The following PTPRQ variants were observed in gnomAD, a reference collection of about 807,000 sequenced individuals.
PTPRQ encodes protein tyrosine phosphatase receptor type Q.
PTPRQ carries 199 observed loss-of-function variants against 246.0 expected under a neutral mutation model. That is an observed-to-expected ratio of 0.81 (90% CI 0.72 to 0.91). The LOEUF (loss-of-function observed/expected upper bound fraction) is 0.91. Ranked by LOEUF, PTPRQ falls within the 40% of genes least tolerant of loss-of-function variation. PTPRQ has a pLI of 0.00. For synonymous variants in PTPRQ, 869 were observed against 853.2 expected, an observed-to-expected ratio of 1.02 and a Z score of -0.32; for missense variants, 2,624 against 2,528.4, an observed-to-expected ratio of 1.04 and a Z score of -0.81.
chr12:80,605,507 A>G (rs1251655776), intron 27 of PTPRQ, among the ~76,000 whole-genome samples: 1 of 151,264 alleles, frequency 6.6e-6, no homozygotes, highest in Non-Finnish European at 1.5e-5. Context: ...ATACACACAT[A>G]CAAGTGGTTA....
chr12:80,670,470 A>G lies in PTPRQ; in HGVS notation c.6580A>G (p.Thr2194Ala). The G allele has an allele frequency of 6.4e-7, 1 of 1,550,704 alleles. No individual in the cohort carries two copies. Among genetic ancestry groups the G allele is most frequent in the Non-Finnish European group, 8.7e-7 (1 of 1,146,316 alleles). Residue 2194 changes from threonine to alanine, a missense_variant, in exon 42 of 45, where the codon ACA (threonine) becomes GCA (alanine). By Grantham distance (58) the Thr-to-Ala change is moderately conservative. Transcript: ENST00000644991. ...LVRASRAHDT[T>A]PMIVHCSAGV... is the part of the protein sequence containing the mutation. Reference sequence around the variant, plus strand: ...TCGAGCAAGCAGGGCACATGACACCACACCTATGATTGTTCACTGCAGGTG... The same window carrying G: ...TCGAGCAAGCAGGGCACATGACACCGCACCTATGATTGTTCACTGCAGGTG...
intron 39 of PTPRQ, among the ~76,000 whole-genome samples, chr12:80,664,580 T>C (rs1182260763): frequency 6.6e-6 from 1 of 152,056 alleles, no homozygotes; most frequent in Admixed American, 6.6e-5. Context: ...AATATCTTGA[T>C]ATTATAGGTT....
At position 80,472,156 on chromosome 12, in the gene PTPRQ, T is replaced by G. The variant is rs1477019425; in HGVS notation, c.1091T>G (p.Leu364Arg). The change falls in exon 8 of 45, where the codon CTA (leucine) becomes CGA (arginine). Residue 364 changes from leucine (L) to arginine (R), a missense_variant. By Grantham distance (102) the Leu-to-Arg change is moderately radical. Coordinates refer to ENST00000644991, the MANE Select transcript of PTPRQ (RefSeq NM_001145026.2). ...GACCTCAAGTTTGCATTCACTAACCTAACACCATTTACAATGTATGATGTC... is the reference window on the plus strand; with the variant it reads ...GACCTCAAGTTTGCATTCACTAACCGAACACCATTTACAATGTATGATGTC... ...TKDLKFAFTN[L>R]TPFTMYDVYI... The G allele has an allele frequency of 7.1e-6, 11 of 1,551,540 alleles. No individual in the cohort carries two copies. The highest frequency in any genetic ancestry group is 9.6e-6 in the Non-Finnish European group (11 of 1,146,982).
chr12:80,617,424 G>C (rs1347235375), intron 30 of PTPRQ, among the ~76,000 whole-genome samples: 1 of 151,168 alleles, frequency 6.6e-6, no homozygotes, highest in Non-Finnish European at 1.5e-5. Context: ...TATTTACTTT[G>C]GGAAGTACAA....
chr12:80,481,481 C>T (rs1437080880), intron 8 of PTPRQ, among the ~76,000 whole-genome samples: 2 of 152,164 alleles, frequency 1.3e-5, no homozygotes, highest in East Asian at 1.9e-4. Context: ...GGGATGCCCC[C>T]TCTCACCACT....
intron 35 of PTPRQ, among the ~76,000 whole-genome samples, chr12:80,641,380 C>T (rs144514406): frequency 6.6e-5 from 10 of 152,250 alleles, no homozygotes; most frequent in South Asian, 2.1e-4. Context: ...CAAAATCACA[C>T]GCCTTACTAA....
intron 17 of PTPRQ, among the ~76,000 whole-genome samples, chr12:80,525,406 A>G (rs1895651611): frequency 6.6e-6 from 1 of 152,200 alleles, no homozygotes; most frequent in Non-Finnish European, 1.5e-5. Flanking sequence ...GTGGTCAACA[A>G]TGAGATGGCC....
At chr12:80,645,401 A>G (rs1371220185) in intron 35 of PTPRQ, among the ~76,000 whole-genome samples, 1 of 152,086 alleles carries the variant, frequency 6.6e-6, no homozygotes. Context: ...GTGAAAATGT[A>G]TTCAATTCAG....
intron 17 of PTPRQ, among the ~76,000 whole-genome samples, chr12:80,515,631 G>T (rs1895269895): frequency 6.6e-6 from 1 of 151,518 alleles, no homozygotes; most frequent in East Asian, 1.9e-4. Context: ...ATGGGGTTTT[G>T]CCATGTTGGC....
At chr12:80,561,944 C>T (rs1357299380) in intron 25 of PTPRQ, among the ~76,000 whole-genome samples, 1 of 152,040 alleles carries the variant, frequency 6.6e-6, no homozygotes, top group African/African-American at 2.4e-5. Context: ...GAGGAAATTA[C>T]CCTTTACTTG....
At chr12:80,461,050 C>T (rs1057022459) in intron 6 of PTPRQ, 148 bp downstream of exon 6, 10 of 384,462 alleles carry the variant, frequency 2.6e-5, no homozygotes, top group Admixed American at 1.3e-4. Flanking sequence ...AGGGTTTCTT[C>T]GAATTTCTAT....
chr12:80,590,561 G>A lies in PTPRQ; in HGVS notation c.4609+2109G>A, dbSNP rs925995629. Among the ~76,000 whole-genome samples, 17 of 151,394 alleles carry A rather than the reference G, an allele frequency of 1.1e-4. 1 individual carries two copies. Among genetic ancestry groups the A allele is most frequent in the Admixed American group, 6.6e-4 (10 of 15,194 alleles). On this transcript the variant is annotated intron_variant, in intron 26 of 44. Coordinates refer to ENST00000644991, the MANE Select transcript of PTPRQ (RefSeq NM_001145026.2). Reference sequence around the variant, plus strand: ...CAGGTGCCTGTAGTCCCAGCTACTCGGGAGGCTGAGGCAGGAGAATGGCAT... The same window carrying A: ...CAGGTGCCTGTAGTCCCAGCTACTCAGGAGGCTGAGGCAGGAGAATGGCAT...
chr12:80,587,274 G>A (rs1017279713), intron 25 of PTPRQ, among the ~76,000 whole-genome samples: 4 of 151,730 alleles, frequency 2.6e-5, no homozygotes, highest in Non-Finnish European at 5.9e-5. Context: ...TATACAGTTC[G>A]CATTATGTAA....
At chr12:80,553,836 TG>T (rs1896560047) in intron 25 of PTPRQ, among the ~76,000 whole-genome samples, 1 of 152,202 alleles carries the variant, frequency 6.6e-6, no homozygotes, top group African/African-American at 2.4e-5. Context: ...TCCATGTGCA[TG>T]CGGTATTTAA....
intron 17 of PTPRQ, among the ~76,000 whole-genome samples, chr12:80,523,174 A>C (rs138401427): frequency 0.033 from 5,071 of 152,196 alleles, 291 homozygotes; most frequent in African/African-American, 0.12. Context: ...GTGTTCTCTC[A>C]TGGTAGTTTG....
intron 33 of PTPRQ, among the ~76,000 whole-genome samples, chr12:80,626,286 G>A (rs1284904609): frequency 2.6e-5 from 4 of 151,878 alleles, no homozygotes; most frequent in Non-Finnish European, 4.4e-5. Flanking sequence ...AGGCAGGCTT[G>A]GTATATATTG....
At chr12:80,585,549 G>A (rs1897584215) in intron 25 of PTPRQ, among the ~76,000 whole-genome samples, 1 of 152,078 alleles carries the variant, frequency 6.6e-6, no homozygotes, top group South Asian at 2.1e-4. Flanking sequence ...TGAAAGCCAT[G>A]ACAATGTCCT....
chr12:80,516,052 G>A (rs952796630), intron 17 of PTPRQ, among the ~76,000 whole-genome samples: 2 of 152,092 alleles, frequency 1.3e-5, no homozygotes, highest in African/African-American at 2.4e-5. Flanking sequence ...TAAATAACAC[G>A]TATTTTTCAA....
chr12:80,667,444 G>A (rs1337661452), intron 39 of PTPRQ, among the ~76,000 whole-genome samples: 2 of 151,842 alleles, frequency 1.3e-5, no homozygotes, highest in Admixed American at 6.6e-5. Flanking sequence ...TTTCTGAAAA[G>A]CCTATTTTCT....
Sources: gnomAD v4.1 joint callset for allele counts (sites outside exome capture counted in the v4.1 genomes callset) on GRCh38, gnomAD v4.1.1 for gene constraint, MANE v1.5 for transcripts, NCBI Gene and HGNC (gene_info 2026-07-23, HGNC 2026-07-21) for gene names.